GOLPH3: variants seen among roughly 807,000 people sequenced by gnomAD.
GOLPH3 encodes coat protein GPP34.
A neutral mutation model predicts 28.5 loss-of-function variants in GOLPH3; 14 were observed. The ratio of observed to expected loss-of-function variants is 0.49; its 90% CI spans 0.32 to 0.77. The LOEUF is 0.77. GOLPH3 is among the 30% of genes least tolerant of loss of function. The pLI is 0.03. For missense variants in GOLPH3, 350 were observed against 393.7 expected, an observed-to-expected ratio of 0.89 and a Z score of 0.94; for synonymous variants, 158 against 159.2, an observed-to-expected ratio of 0.99 and a Z score of 0.06.
intron 2 of GOLPH3, among the ~76,000 whole-genome samples, chr5:32,141,855 C>T (rs1020350957): frequency 6.6e-6 from 1 of 151,892 alleles, no homozygotes; most frequent in South Asian, 2.1e-4. Context: ...CCGCCAGCCT[C>T]GGCCTCCCGA....
At chr5:32,144,526 C>A (rs1746147826) in intron 1 of GOLPH3, among the ~76,000 whole-genome samples, 1 of 152,138 alleles carries the variant, frequency 6.6e-6, no homozygotes. Flanking sequence ...GAGTTCAAGG[C>A]TACAGTGAGC....
Position 32,125,802 on chromosome 5 carries a change from G to A in GOLPH3, c.*410C>T, listed in dbSNP as rs1745663138. 6.1e-6 allele frequency: 1 copy of A among 164,680 alleles called. No individual in the cohort carries two copies. The highest frequency in any genetic ancestry group is 1.9e-4 in the South Asian group (1 of 5,392). The allele number at this position is 164,680 out of a possible 1,614,324, so 10.2% of individuals were successfully genotyped here. A position where few individuals can be genotyped will look rare whatever the true frequency, so the allele number is the denominator to read the frequency against. On this transcript the variant is annotated 3_prime_UTR_variant, in exon 4 of 4. Transcript: ENST00000265070. Reference sequence around the variant, plus strand: ...AGATACAGATATTTACCTTTGGTGAGTTGAAGGCCTTTTTGTGACTTCTGT... The same window carrying A: ...AGATACAGATATTTACCTTTGGTGAATTGAAGGCCTTTTTGTGACTTCTGT...
chr5:32,138,474 G>A (rs906980042), intron 2 of GOLPH3, among the ~76,000 whole-genome samples: 1 of 151,970 alleles, frequency 6.6e-6, no homozygotes, highest in South Asian at 2.1e-4. Flanking sequence ...CCATGTTGGT[G>A]TGCTGCACCC....
At chr5:32,167,443 A>T (rs1031363025) in intron 1 of GOLPH3, among the ~76,000 whole-genome samples, 7 of 152,104 alleles carry the variant, frequency 4.6e-5, no homozygotes, top group African/African-American at 1.7e-4. Flanking sequence ...AAGTACTGGG[A>T]TTACAGGTGT....
intron 2 of GOLPH3, among the ~76,000 whole-genome samples, chr5:32,138,775 G>C (rs1160927656): frequency 6.6e-6 from 1 of 152,194 alleles, no homozygotes; most frequent in African/African-American, 2.4e-5. Context: ...CTGGCTCATA[G>C]ATGTATGTAG....
At chr5:32,144,491 A>G (rs766674963) in intron 1 of GOLPH3, among the ~76,000 whole-genome samples, 2 of 152,204 alleles carry the variant, frequency 1.3e-5, no homozygotes, top group Non-Finnish European at 2.9e-5. Context: ...CCAGGAAGCT[A>G]AGGCAGGAGG....
At chr5:32,162,334 T>C (rs1746602554) in intron 1 of GOLPH3, among the ~76,000 whole-genome samples, 1 of 149,244 alleles carries the variant, frequency 6.7e-6, no homozygotes, top group Non-Finnish European at 1.5e-5. Context: ...CAACTAAAAA[T>C]ACAAAAATTT....
intron 3 of GOLPH3, among the ~76,000 whole-genome samples, chr5:32,127,054 C>T (rs1429047322): frequency 6.6e-6 from 1 of 152,234 alleles, no homozygotes; most frequent in African/African-American, 2.4e-5. Context: ...ATTCCTGAAA[C>T]TGCTACACAT....
intron 1 of GOLPH3, among the ~76,000 whole-genome samples, chr5:32,144,506 C>T (rs1746147609): frequency 6.6e-6 from 1 of 152,210 alleles, no homozygotes; most frequent in Admixed American, 6.5e-5. Context: ...AGGAGGACCA[C>T]TGTGTCCAAG....
intron 1 of GOLPH3, 175 bp downstream of exon 1, chr5:32,173,635 G>T: frequency 2.5e-6 from 1 of 406,542 alleles, no homozygotes; most frequent in East Asian, 3.9e-5. Flanking sequence ...CGCGCCAGGG[G>T]GTCAACCAAC....
chr5:32,173,962 TGTC>T lies in GOLPH3; in HGVS notation c.70_72del (p.Asp24del), dbSNP rs775529447. ...GCGCCGCCGCCCGCCGCCCGCTCCT[TGTC>T]GGCGGCGTTGCGGGAGGCCTCGGTG... On this transcript the variant is annotated inframe_deletion, in exon 1 of 4. Transcript: ENST00000265070. The T allele has an allele frequency of 1.2e-5, 17 of 1,424,518 alleles. No individual in the cohort carries two copies. The South Asian group carries it at 1.3e-4, about 11-fold the overall frequency. The allele number at this position is 1,424,518 out of a possible 1,614,324, so 88.2% of individuals were successfully genotyped here.
Position 32,152,418 on chromosome 5 carries a change from C to T in GOLPH3, c.226-8538G>A, listed in dbSNP as rs562582106. On this transcript the variant is annotated intron_variant, in intron 1 of 3. Transcript: ENST00000265070. ...GGGATTACAGGTATGAGCCACCGCG[C>T]CTGCCCCCCCCAGCCTTTTTTTTTT... 2.0e-3 allele frequency among the ~76,000 whole-genome samples: 274 copies of T among 139,624 alleles called. 1 individual carries two copies. Among genetic ancestry groups the T allele is most frequent in the African/African-American group, 6.8e-3 (263 of 38,928 alleles). 91.6% of individuals were successfully genotyped at this position (139,624 alleles called of 152,430 possible).
At chr5:32,156,043 C>A (rs1424069132) in intron 1 of GOLPH3, among the ~76,000 whole-genome samples, 1 of 144,556 alleles carries the variant, frequency 6.9e-6, no homozygotes, top group African/African-American at 2.5e-5. Context: ...GTCATGAAGG[C>A]AGAAGCCTCA....
chr5:32,156,007 C>G (rs1746416958), intron 1 of GOLPH3, among the ~76,000 whole-genome samples: 1 of 136,896 alleles, frequency 7.3e-6, no homozygotes, highest in Non-Finnish European at 1.6e-5. Flanking sequence ...TTCTAACCCC[C>G]AACAGGGTCT....
In GOLPH3 at chr5:32,135,632, T is replaced by C; in HGVS notation, c.412A>G (p.Lys138Glu). 1 of 1,613,922 alleles carries C rather than the reference T, an allele frequency of 6.2e-7. No homozygotes were observed. The highest frequency in any genetic ancestry group is 1.3e-5 in the African/African-American group (1 of 75,040). Reference protein sequence around the residue: ...TGDVLLDEALKHVKETQPPET... With the variant: ...TGDVLLDEALEHVKETQPPET... ...GGAGGCTGAGTTTCCTTAACATGCT[T>C]CAGAGCTTCATCAAGAAGAACATCC... The change falls in exon 3 of 4, where the codon AAG (lysine) becomes GAG (glutamate). Residue 138 changes from lysine (K) to glutamate (E), a missense_variant. By Grantham distance (56) the Lys-to-Glu change is moderately conservative. Coordinates refer to ENST00000265070, the MANE Select transcript of GOLPH3 (RefSeq NM_022130.4).
chr5:32,169,959 GA>G (rs199522796), intron 1 of GOLPH3, among the ~76,000 whole-genome samples: 2,288 of 135,512 alleles, frequency 0.017, 39 homozygotes, highest in South Asian at 0.056. Flanking sequence ...AATGTGTAAA[GA>G]AAAAAAAAAA....
At chr5:32,168,385 T>G (rs552024102) in intron 1 of GOLPH3, among the ~76,000 whole-genome samples, 1 of 152,332 alleles carries the variant, frequency 6.6e-6, no homozygotes, top group South Asian at 2.1e-4. Flanking sequence ...AAAAGTCAGT[T>G]CTATCATTTT....
intron 1 of GOLPH3, among the ~76,000 whole-genome samples, chr5:32,165,351 C>T (rs761966677): frequency 1.1e-4 from 16 of 152,100 alleles, no homozygotes; most frequent in Non-Finnish European, 1.9e-4. Flanking sequence ...GGGAGGCCAA[C>T]GTGGGTGGAT....
intron 3 of GOLPH3, among the ~76,000 whole-genome samples, chr5:32,130,051 C>G: frequency 6.6e-6 from 1 of 152,108 alleles, no homozygotes; most frequent in East Asian, 1.9e-4. Context: ...CCGTGTTAGC[C>G]AGGATGGTCT....
Sources: allele counts gnomAD v4.1 joint callset (sites outside exome capture counted in the v4.1 genomes callset), GRCh38; gene constraint gnomAD v4.1.1; transcripts MANE v1.5; gene names NCBI Gene and HGNC (gene_info 2026-07-23, HGNC 2026-07-21).